Variants in RBFOX1 observed in about 807,000 individuals in gnomAD.
RBFOX1 encodes the protein RNA binding protein fox-1 homolog 1.
Under a neutral mutation model 57.7 loss-of-function variants are expected in RBFOX1, and 8 were observed. That is an observed-to-expected ratio of 0.14 (90% CI 0.08 to 0.25). The LOEUF (loss-of-function observed/expected upper bound fraction) is 0.25. Among genes scored for constraint, RBFOX1 ranks in the 10% least tolerant of loss-of-function variants. The pLI is 1.00. For missense variants in RBFOX1, 611 were observed against 548.5 expected (o/e 1.11, Z -1.14); for synonymous variants, 326 against 222.4 (o/e 1.47, Z -4.15).
At chr16:6,296,814 C>A (rs77664061) in intron 1 of RBFOX1, among the ~76,000 whole-genome samples, 1 of 152,128 alleles carries the variant, frequency 6.6e-6, no homozygotes, top group South Asian at 2.1e-4. Context: ...GCATGTGTTA[C>A]CACACCGAGG....
At chr16:5,911,522 G>A (rs982680370) in intron 4 of RBFOX1, among the ~76,000 whole-genome samples, 2 of 152,192 alleles carry the variant, frequency 1.3e-5, no homozygotes, top group Admixed American at 6.5e-5. Context: ...AAGAGCTGGT[G>A]TACGTTATGA....
chr16:6,870,852 C>CACT (rs1339745091), intron 3 of RBFOX1, among the ~76,000 whole-genome samples: 3 of 152,230 alleles, frequency 2.0e-5, no homozygotes, highest in Non-Finnish European at 4.4e-5. Flanking sequence ...GATTTACAGT[C>CACT]ACTAATAAAA....
chr16:5,422,360 G>C (rs2067358733), intron 1 of RBFOX1, among the ~76,000 whole-genome samples: 1 of 97,018 alleles, frequency 1.0e-5, no homozygotes, highest in Non-Finnish European at 2.3e-5. Context: ...GAGAAGGAGG[G>C]AGCAGGGAGG....
At chr16:6,839,758 G>A (rs750025178) in intron 3 of RBFOX1, among the ~76,000 whole-genome samples, 2 of 152,192 alleles carry the variant, frequency 1.3e-5, no homozygotes, top group African/African-American at 4.8e-5. Flanking sequence ...AAATTAAGCA[G>A]TTGAAACATT....
chr16:5,760,393 T>A (rs2053551565), intron 3 of RBFOX1, among the ~76,000 whole-genome samples: 1 of 151,956 alleles, frequency 6.6e-6, no homozygotes, highest in African/African-American at 2.4e-5. Context: ...TACATATACA[T>A]ACACACACAC....
At chr16:6,825,406 G>C (rs959678407) in intron 3 of RBFOX1, among the ~76,000 whole-genome samples, 13 of 152,046 alleles carry the variant, frequency 8.6e-5, no homozygotes, top group East Asian at 1.9e-4. Context: ...GGAAAAGCCA[G>C]AGATTATTCA....
intron 4 of RBFOX1, among the ~76,000 whole-genome samples, chr16:7,321,554 T>TGG (rs1233045803): frequency 6.6e-6 from 1 of 152,230 alleles, no homozygotes; most frequent in Non-Finnish European, 1.5e-5. Context: ...TGTGTGATTT[T>TGG]GGGCAAGTTA....
chr16:6,502,132 G>C (rs542523326), intron 2 of RBFOX1, among the ~76,000 whole-genome samples: 4 of 152,252 alleles, frequency 2.6e-5, no homozygotes, highest in Admixed American at 6.5e-5. Flanking sequence ...AATTCCTTCA[G>C]TGTCCCTTCA....
chr16:7,278,496 T>C lies in RBFOX1; in HGVS notation c.27+226398T>C, dbSNP rs117521378. On this transcript the variant is annotated intron_variant, in intron 4 of 15. Coordinates refer to ENST00000550418, the MANE Select transcript of RBFOX1 (RefSeq NM_018723.4). Reference sequence around the variant, plus strand: ...TTTCATCATACAGATCTGTCCAATATTACCAGCATACCTTTTAAGAAAGTG... The same window carrying C: ...TTTCATCATACAGATCTGTCCAATACTACCAGCATACCTTTTAAGAAAGTG... Among the ~76,000 whole-genome samples the C allele has an allele frequency of 1.7e-3, 261 of 152,332 alleles. 2 individuals carry two copies. The East Asian group carries it at 0.019, about 11-fold the overall frequency.
chr16:6,238,238 C>T (rs1405479691), intron 1 of RBFOX1, among the ~76,000 whole-genome samples: 1 of 151,970 alleles, frequency 6.6e-6, no homozygotes, highest in Non-Finnish European at 1.5e-5. Context: ...AGTGGAATTA[C>T]AGTATGGCCA....
chr16:6,279,616 C>G (rs1276331785), intron 1 of RBFOX1, among the ~76,000 whole-genome samples: 3 of 152,170 alleles, frequency 2.0e-5, no homozygotes, highest in Non-Finnish European at 2.9e-5. Flanking sequence ...AACACTGAGA[C>G]TGTCCATATG....
intron 5 of RBFOX1, among the ~76,000 whole-genome samples, chr16:7,532,168 G>C (rs1352589264): frequency 6.6e-6 from 1 of 151,186 alleles, no homozygotes; most frequent in African/African-American, 2.4e-5. Flanking sequence ...GCAACGGTAG[G>C]TGTAGCATTC....
intron 2 of RBFOX1, among the ~76,000 whole-genome samples, chr16:6,394,394 C>G (rs2092731635): frequency 6.6e-6 from 1 of 152,122 alleles, no homozygotes. Context: ...TAAAAGAGAA[C>G]TAACTGAACT....
chr16:5,903,696 G>A (rs2058368214), intron 4 of RBFOX1, among the ~76,000 whole-genome samples: 1 of 152,132 alleles, frequency 6.6e-6, no homozygotes, highest in East Asian at 1.9e-4. Context: ...CTTGGCCTTA[G>A]ATATGTGACC....
At chr16:7,266,217 C>G (rs999437911) in intron 4 of RBFOX1, among the ~76,000 whole-genome samples, 1 of 149,632 alleles carries the variant, frequency 6.7e-6, no homozygotes, top group South Asian at 2.1e-4. Flanking sequence ...CCTCGTGACC[C>G]GGCCGCCTCG....
intron 3 of RBFOX1, among the ~76,000 whole-genome samples, chr16:5,848,836 C>CT (rs1208903121): frequency 6.6e-6 from 1 of 152,074 alleles, no homozygotes; most frequent in Non-Finnish European, 1.5e-5. Context: ...GTAATACTAG[C>CT]TCCTTGGGAG....
chr16:5,760,977 T>C (rs904360870), intron 3 of RBFOX1, among the ~76,000 whole-genome samples: 1 of 152,178 alleles, frequency 6.6e-6, no homozygotes, highest in Non-Finnish European at 1.5e-5. Context: ...AAATGGGTAA[T>C]TGTATGTTAT....
At chr16:6,951,624 TTTCAGGGTAGTCAGCC>T (rs1269680815) in intron 3 of RBFOX1, among the ~76,000 whole-genome samples, 3 of 152,176 alleles carry the variant, frequency 2.0e-5, no homozygotes, top group African/African-American at 7.2e-5. Context: ...CTCATGGTGA[TTTCAGGGTAGTCAGCC>T]TTCGTAAGTA....
chr16:5,856,579 A>ATATATATATATATG (rs2057073407), intron 3 of RBFOX1, among the ~76,000 whole-genome samples: 1 of 58,936 alleles, frequency 1.7e-5, no homozygotes, highest in African/African-American at 5.3e-5. Context: ...GTGTGTGTAT[A>ATATATATATATATG]TATATATATA....
Sources: gnomAD v4.1 joint callset for allele counts (sites outside exome capture counted in the v4.1 genomes callset) on GRCh38, gnomAD v4.1.1 for gene constraint, MANE v1.5 for transcripts, NCBI Gene and HGNC (gene_info 2026-07-23, HGNC 2026-07-21) for gene names.